Variants in LDB2 observed in about 807,000 individuals in gnomAD.
LDB2 encodes LIM domain-binding protein 2.
LDB2 carries 12 observed loss-of-function variants against 44.3 expected under a neutral mutation model. The ratio of observed to expected loss-of-function variants is 0.27; its 90% confidence interval spans 0.17 to 0.44. The LOEUF (loss-of-function observed/expected upper bound fraction) is 0.44, where lower values mean the gene tolerates loss of function less well. Among genes scored for constraint, LDB2 ranks in the 20% least tolerant of loss-of-function variants. The pLI is 1.00. For missense variants in LDB2, 344 were observed against 473.5 expected, an observed-to-expected ratio of 0.73 and a Z score of 2.54; for synonymous variants, 164 against 174.8, an observed-to-expected ratio of 0.94 and a Z score of 0.49.
chr4:16,703,948 T>A (rs1342242968), intron 2 of LDB2, among the ~76,000 whole-genome samples: 2 of 152,254 alleles, frequency 1.3e-5, no homozygotes, highest in Non-Finnish European at 2.9e-5. Context: ...AACAGCAACT[T>A]ATTTCCTTTA....
At chr4:16,508,785 A>G in intron 6 of LDB2, 99 bp from the exon 7 acceptor site, 2 of 1,138,920 alleles carry the variant, frequency 1.8e-6, no homozygotes, top group Non-Finnish European at 2.4e-6. Flanking sequence ...GGTAAACTGA[A>G]GAGTAGACTA....
intron 3 of LDB2, among the ~76,000 whole-genome samples, chr4:16,589,167 C>T (rs1718017343): frequency 6.6e-6 from 1 of 152,212 alleles, no homozygotes; most frequent in African/African-American, 2.4e-5. Context: ...TTTTCCTCCA[C>T]TTTCATCATC....
chr4:16,746,261 C>T (rs555549324), intron 2 of LDB2, among the ~76,000 whole-genome samples: 1 of 152,114 alleles, frequency 6.6e-6, no homozygotes, highest in Non-Finnish European at 1.5e-5. Flanking sequence ...ATTAACTAAT[C>T]CAGTAAGTCA....
intron 5 of LDB2, among the ~76,000 whole-genome samples, chr4:16,523,566 C>T (rs1727080598): frequency 6.6e-6 from 1 of 152,004 alleles, no homozygotes; most frequent in African/African-American, 2.4e-5. Flanking sequence ...ATCTGATAAC[C>T]AAGCAGGCTA....
rs556663439 is a variant in LDB2 at position 16,586,552 on chromosome 4, T to C, written c.532-547A>G. On this transcript the variant is annotated intron_variant, in intron 4 of 7. Coordinates refer to ENST00000304523, the MANE Select transcript of LDB2 (RefSeq NM_001290.5). The stretch of plus-strand genomic sequence containing the variant: ...AAACACACACACACACACACACACA[T>C]ATATATGGAGAGACAGAATTCTCAC... Among the ~76,000 whole-genome samples, 602 of 119,166 alleles carry C rather than the reference T, an allele frequency of 5.1e-3. 2 individuals are homozygous for C. Among genetic ancestry groups the C allele is most frequent in the Middle Eastern group, 0.025 (6 of 236 alleles). 78.2% of individuals were successfully genotyped at this position (119,166 alleles called of 152,430 possible). A position where few individuals can be genotyped will look rare whatever the true frequency, so the allele number is the denominator to read the frequency against.
intron 2 of LDB2, among the ~76,000 whole-genome samples, chr4:16,672,859 C>T (rs1008019922): frequency 5.3e-5 from 8 of 149,672 alleles, no homozygotes; most frequent in African/African-American, 1.5e-4. Flanking sequence ...TTCCTTTCCT[C>T]CCTCCCTCTC....
intron 2 of LDB2, among the ~76,000 whole-genome samples, chr4:16,669,973 AT>A (rs1744291460): frequency 6.6e-6 from 1 of 152,228 alleles, no homozygotes; most frequent in Non-Finnish European, 1.5e-5. Context: ...ATGCACATTT[AT>A]TGAGAAATAA....
At chr4:16,831,183 T>TTTC (rs1784010467) in intron 1 of LDB2, among the ~76,000 whole-genome samples, 1 of 151,030 alleles carries the variant, frequency 6.6e-6, no homozygotes, top group Non-Finnish European at 1.5e-5. Context: ...GCTTTTTTTT[T>TTTC]TTTTTTTTTC....
intron 2 of LDB2, among the ~76,000 whole-genome samples, chr4:16,727,650 C>T (rs998533382): frequency 1.3e-5 from 2 of 152,156 alleles, no homozygotes; most frequent in African/African-American, 4.8e-5. Flanking sequence ...CTGAAATATT[C>T]GTTTTGCCTT....
rs1161924455 is a variant in LDB2, at chr4:16,739,749, C to CAT, written c.235+19407_235+19408dup. Reference sequence around the variant, plus strand: ...ATATATGTGTATATACATACATATACATATATATATAACTATTCTTAATGA... The same window carrying CAT: ...ATATATGTGTATATACATACATATACATATATATATATAACTATTCTTAATGA... On this transcript the variant is annotated intron_variant, in intron 2 of 7. Transcript: ENST00000304523. Among the ~76,000 whole-genome samples, 27 of 123,600 alleles carry CAT rather than the reference C, an allele frequency of 2.2e-4. 3 individuals carry two copies. Among genetic ancestry groups the CAT allele is most frequent in the African/African-American group, 7.8e-4 (23 of 29,412 alleles). The allele number at this position is 123,600 out of a possible 152,430, so 81.1% of individuals were successfully genotyped here.
intron 2 of LDB2, among the ~76,000 whole-genome samples, chr4:16,653,288 G>A (rs907936295): frequency 2.0e-5 from 3 of 152,064 alleles, no homozygotes; most frequent in South Asian, 2.1e-4. Flanking sequence ...TCTCCCCACC[G>A]CCAGCCCTGC....
intron 3 of LDB2, among the ~76,000 whole-genome samples, chr4:16,589,863 G>A (rs917520102): frequency 2.0e-5 from 3 of 152,124 alleles, no homozygotes; most frequent in Admixed American, 6.6e-5. Context: ...ACTCATTCTG[G>A]AAATTTGGGG....
At chr4:16,782,015 G>A (rs1773350905) in intron 1 of LDB2, among the ~76,000 whole-genome samples, 1 of 152,206 alleles carries the variant, frequency 6.6e-6, no homozygotes, top group South Asian at 2.1e-4. Context: ...GCGAGAGAGT[G>A]AATTTCTGTT....
At chr4:16,656,480 T>A (rs151146372) in intron 2 of LDB2, among the ~76,000 whole-genome samples, 315 of 152,322 alleles carry the variant, frequency 2.1e-3, no homozygotes, top group African/African-American at 7.2e-3. Flanking sequence ...ACACTTGAAA[T>A]GTGACTAGTG....
At chr4:16,750,558 A>C (rs1765298384) in intron 2 of LDB2, among the ~76,000 whole-genome samples, 1 of 149,414 alleles carries the variant, frequency 6.7e-6, no homozygotes, top group African/African-American at 2.4e-5. Context: ...TAAGAAGTCC[A>C]GGTAGATCTC....
chr4:16,777,641 G>A (rs1457044640), intron 1 of LDB2, among the ~76,000 whole-genome samples: 1 of 152,144 alleles, frequency 6.6e-6, no homozygotes, highest in Non-Finnish European at 1.5e-5. Context: ...CTCCTGTGAT[G>A]AGACCAAGTA....
chr4:16,554,635 A>T (rs1461531513), intron 5 of LDB2, among the ~76,000 whole-genome samples: 2 of 152,218 alleles, frequency 1.3e-5, no homozygotes, highest in Admixed American at 1.3e-4. Flanking sequence ...ACACGGAGGA[A>T]CTGTAAATGC....
chr4:16,560,752 G>C (rs1239749575), intron 5 of LDB2, among the ~76,000 whole-genome samples: 1 of 152,190 alleles, frequency 6.6e-6, no homozygotes, highest in African/African-American at 2.4e-5. Flanking sequence ...AAGCCCGGCA[G>C]AGACACAACC....
chr4:16,892,966 T>G, intron 1 of LDB2: 1 of 298,144 alleles, frequency 3.4e-6, no homozygotes, highest in Non-Finnish European at 4.9e-6. Flanking sequence ...TGGCCTCCTA[T>G]GAATAGTTAG....
Sources: allele counts gnomAD v4.1 joint callset (sites outside exome capture counted in the v4.1 genomes callset), GRCh38; gene constraint gnomAD v4.1.1; transcripts MANE v1.5; gene names NCBI Gene and HGNC (gene_info 2026-07-23, HGNC 2026-07-21).